COPS4: variants seen among roughly 807,000 people sequenced by gnomAD.
The protein encoded by COPS4 is COP9 signalosome subunit 4, also known as COP9 signalosome complex subunit 4.
COPS4 carries 8 observed loss-of-function variants against 55.1 expected under a neutral mutation model. The observed-to-expected ratio is 0.15, with a 90% CI of 0.09 to 0.26. COPS4 has a LOEUF of 0.26. Among genes scored for constraint, COPS4 ranks in the 10% least tolerant of loss-of-function variants. The pLI, the probability that COPS4 is intolerant of heterozygous loss-of-function variation, is 1.00. For missense variants in COPS4, 248 were observed against 484.0 expected (o/e 0.51, Z 4.58); for synonymous variants, 185 against 165.7 (o/e 1.12, Z -0.90).
At chr4:83,070,341 G>C (rs1731390835) in intron 9 of COPS4, among the ~76,000 whole-genome samples, 1 of 152,128 alleles carries the variant, frequency 6.6e-6, no homozygotes, top group African/African-American at 2.4e-5. Context: ...TTTCTAGAGT[G>C]ATTCTAAGTC....
chr4:83,053,852 A>AAAAAAAAAC (rs1553896471), intron 4 of COPS4, among the ~76,000 whole-genome samples: 1 of 150,682 alleles, frequency 6.6e-6, no homozygotes, highest in Non-Finnish European at 1.5e-5. Flanking sequence ...AAAAAAAAAA[A>AAAAAAAAAC]GATGGTTTAT....
intron 2 of COPS4, among the ~76,000 whole-genome samples, chr4:83,046,044 C>A (rs1730701967): frequency 1.3e-5 from 2 of 152,038 alleles, no homozygotes; most frequent in South Asian, 4.1e-4. Flanking sequence ...TCCTTTTCCT[C>A]TTTAAAATGT....
Position 83,068,337 on chromosome 4 carries a change from T to C in COPS4, c.1003-101T>C. 3 of 747,738 alleles carry C rather than the reference T, an allele frequency of 4.0e-6. No homozygotes were observed. The South Asian group carries it at 4.7e-5, about 12-fold the overall frequency. The allele number at this position is 747,738 out of a possible 1,614,324, so 46.3% of individuals were successfully genotyped here. On this transcript the variant is annotated intron_variant, in intron 8 of 9. Transcript: ENST00000264389. ...TGGCAGATTAATGTATATGTAAAGT[T>C]TAGTGATGGTAGTTAAACCAGAAGC... is the stretch of plus-strand genomic sequence containing the variant.
At chr4:83,035,470 G>T in intron 1 of COPS4, 172 bp downstream of exon 1, 1 of 446,092 alleles carries the variant, frequency 2.2e-6, no homozygotes. Flanking sequence ...GCAGAAAGCT[G>T]GAGGGGACCT....
In COPS4 at chr4:83,063,208, C is replaced by T; in HGVS notation, c.848C>T (p.Ala283Val). ...GGAAATCAACTTCAAGAATTTGCTG[C>T]CATGCTGATGCCTCACCAAAAAGCA... ...IRGNQLQEFAAMLMPHQKATT... is the reference protein window; with the variant it reads ...IRGNQLQEFAVMLMPHQKATT... Residue 283 changes from alanine (A) to valine (V), a missense_variant, in exon 7 of 10, where the codon GCC becomes GTC. This residue lies in a region of COPS4 where 155 missense variants were observed against 326.6 expected (regional missense o/e 0.47). Coordinates refer to ENST00000264389, the MANE Select transcript of COPS4 (RefSeq NM_016129.3). The T allele has an allele frequency of 6.2e-7, 1 of 1,613,062 alleles. No homozygotes were observed. The highest frequency in any genetic ancestry group is 1.1e-5 in the South Asian group (1 of 90,866).
At position 83,063,110 on chromosome 4, in the gene COPS4, T is replaced by A; in HGVS notation, c.750T>A (p.Phe250Leu). The change falls in exon 7 of 10, where the codon TTT becomes TTA. Residue 250 changes from phenylalanine (F) to leucine (L), a missense_variant. This residue lies in a region of COPS4 where 155 missense variants were observed against 326.6 expected (regional missense o/e 0.47). Transcript: ENST00000264389. Reference protein sequence around the residue: ...QQRSRMLATLFKDERCQQLAA... With the variant: ...QQRSRMLATLLKDERCQQLAA... ...GTTCTCGGATGCTAGCTACTCTTTT[T>A]AAGGATGAAAGGTGCCAGCAACTTG... 6.3e-7 allele frequency: 1 copy of A among 1,580,234 alleles called. No homozygotes were observed. The highest frequency in any genetic ancestry group is 8.6e-7 in the Non-Finnish European group (1 of 1,166,850).
Position 83,056,836 on chromosome 4 carries a change from A to G in COPS4, c.411-90A>G, listed in dbSNP as rs1170571259. On this transcript the variant is annotated intron_variant, in intron 4 of 9. Coordinates refer to ENST00000264389, the MANE Select transcript of COPS4 (RefSeq NM_016129.3). ...TGATTCCCTTACGGTACCAGAATATATATCAGGAAAAAACAACATATCTTC... is the reference window on the plus strand; with the variant it reads ...TGATTCCCTTACGGTACCAGAATATGTATCAGGAAAAAACAACATATCTTC... 4.6e-6 allele frequency: 5 copies of G among 1,094,824 alleles called. No homozygotes were observed. The Admixed American group carries it at 9.2e-5, about 20-fold the overall frequency. 67.8% of individuals were successfully genotyped at this position (1,094,824 alleles called of 1,614,324 possible).
At position 83,073,087 on chromosome 4, in the gene COPS4, T is replaced by C. The variant is rs553401045; in HGVS notation, c.1088-2210T>C. The stretch of plus-strand genomic sequence containing the variant: ...TTTTAAAGTAAACAATTCAATGGCC[T>C]GTAGTATATTTACAATGTTGTACAA... On this transcript the variant is annotated intron_variant, in intron 9 of 9. Coordinates refer to ENST00000264389, the MANE Select transcript of COPS4 (RefSeq NM_016129.3). 4 of 451,050 alleles carry C rather than the reference T, an allele frequency of 8.9e-6. No homozygotes were observed. In the South Asian group the frequency reaches 1.7e-4, roughly 19 times the overall value. 27.9% of individuals were successfully genotyped at this position (451,050 alleles called of 1,614,324 possible).
intron 6 of COPS4, among the ~76,000 whole-genome samples, chr4:83,061,123 C>G (rs1402449123): frequency 6.6e-6 from 1 of 151,024 alleles, no homozygotes; most frequent in African/African-American, 2.4e-5. Flanking sequence ...TCATTCTATT[C>G]TTCTGCATGA....
intron 7 of COPS4, among the ~76,000 whole-genome samples, chr4:83,063,591 T>C (rs910717799): frequency 2.7e-5 from 4 of 150,920 alleles, no homozygotes; most frequent in Non-Finnish European, 5.9e-5. Flanking sequence ...GTACTTTTAG[T>C]AGAGATGGGG....
At chr4:83,038,735 G>A (rs571239058) in intron 1 of COPS4, among the ~76,000 whole-genome samples, 1 of 152,022 alleles carries the variant, frequency 6.6e-6, no homozygotes, top group Non-Finnish European at 1.5e-5. Flanking sequence ...TCTGCCTCCC[G>A]GGTTCAACCG....
chr4:83,053,838 T>TTAAAAAAAAA (rs1244955341), intron 4 of COPS4, among the ~76,000 whole-genome samples: 3 of 7,046 alleles, frequency 4.3e-4, no homozygotes, highest in African/African-American at 1.6e-3. Context: ...AGACTCTGTC[T>TTAAAAAAAAA]CAAAAAAAAA....
At chr4:83,051,098 CAAAAAA>C (rs536123309) in intron 4 of COPS4, among the ~76,000 whole-genome samples, 1 of 102,930 alleles carries the variant, frequency 9.7e-6, no homozygotes, top group South Asian at 3.1e-4. Context: ...CCATCTCCAC[CAAAAAA>C]AAAAAAAAAA....
In COPS4 at chr4:83,063,058, C is replaced by G; in HGVS notation, c.716-18C>G. 6.6e-7 allele frequency: 1 copy of G among 1,506,472 alleles called. No individual in the cohort carries two copies. Among genetic ancestry groups the G allele is most frequent in the Non-Finnish European group, 8.8e-7 (1 of 1,132,388 alleles). The allele number at this position is 1,506,472 out of a possible 1,614,324, so 93.3% of individuals were successfully genotyped here. On this transcript the variant is annotated intron_variant, in intron 6 of 9. Transcript: ENST00000264389. ...GAAAATAACATTGTGAAATTTGATG[C>G]TCATTTATTTCTCTTAGGGCAGCAG...
At chr4:83,070,425 AT>A (rs1487057573) in intron 9 of COPS4, among the ~76,000 whole-genome samples, 2 of 152,222 alleles carry the variant, frequency 1.3e-5, no homozygotes, top group Non-Finnish European at 2.9e-5. Context: ...GCATGAACAT[AT>A]CAAAAACTGA....
chr4:83,070,676 T>A (rs1731403020), intron 9 of COPS4, among the ~76,000 whole-genome samples: 1 of 152,228 alleles, frequency 6.6e-6, no homozygotes, highest in Non-Finnish European at 1.5e-5. Context: ...CTTCAGGTGT[T>A]GAGAAATAAC....
chr4:83,065,703 A>G (rs1731276997), intron 7 of COPS4, among the ~76,000 whole-genome samples: 1 of 152,230 alleles, frequency 6.6e-6, no homozygotes, highest in South Asian at 2.1e-4. Context: ...CAGGAGGGTT[A>G]GCCGGATCCT....
At chr4:83,036,990 CAAAAA>C (rs1312880240) in intron 1 of COPS4, among the ~76,000 whole-genome samples, 2 of 152,066 alleles carry the variant, frequency 1.3e-5, no homozygotes, top group African/African-American at 4.8e-5. Flanking sequence ...TGTAACAAAC[CAAAAA>C]CTTAACCAGT....
At position 83,039,856 on chromosome 4, in the gene COPS4, C is replaced by G. The variant is rs566269768; in HGVS notation, c.74+4558C>G. On this transcript the variant is annotated intron_variant, in intron 1 of 9. Transcript: ENST00000264389. ...CTCCCTATGTTGCCCAGGCAGGTCT[C>G]GAACTCCTGGGCTCAAGGGATTCTC... Among the ~76,000 whole-genome samples the G allele has an allele frequency of 2.0e-4, 31 of 152,218 alleles. 1 individual carries two copies. In the South Asian group the frequency reaches 6.4e-3, roughly 32 times the overall value.
Sources: allele counts gnomAD v4.1 joint callset (sites outside exome capture counted in the v4.1 genomes callset), GRCh38; gene constraint gnomAD v4.1.1; regional missense constraint gnomAD v4.1.1; transcripts MANE v1.5; gene names NCBI Gene and HGNC (gene_info 2026-07-23, HGNC 2026-07-21).